RNF114: variants seen among roughly 807,000 people sequenced by gnomAD.
The protein encoded by RNF114 is E3 ubiquitin-protein ligase RNF114.
In RNF114, 6 loss-of-function variants were observed where a neutral mutation model predicts 28.4. The observed-to-expected ratio is 0.21, with a 90% CI of 0.12 to 0.42. The LOEUF (loss-of-function observed/expected upper bound fraction) is 0.42, where lower values mean the gene tolerates loss of function less well. Ranked by LOEUF, RNF114 falls within the 10% of genes least tolerant of loss-of-function variation. The pLI is 1.00. For missense variants in RNF114, 249 were observed against 311.7 expected (o/e 0.80, Z 1.51); for synonymous variants, 115 against 116.7 (o/e 0.99, Z 0.09).
chr20:49,939,196 T>C (rs1322791618), intron 1 of RNF114, among the ~76,000 whole-genome samples: 1 of 152,244 alleles, frequency 6.6e-6, no homozygotes, highest in East Asian at 1.9e-4. Context: ...TTCATATTTT[T>C]AATCACTATC....
At chr20:49,951,994 C>T in intron 5 of RNF114, 82 bp from the exon 6 acceptor site, 1 of 1,210,746 alleles carries the variant, frequency 8.3e-7, no homozygotes, top group South Asian at 1.2e-5. Flanking sequence ...GATCCAGTTG[C>T]TAGGCTGTCC....
intron 4 of RNF114, among the ~76,000 whole-genome samples, chr20:49,947,385 C>G (rs775948948): frequency 6.6e-6 from 1 of 152,064 alleles, no homozygotes; most frequent in Non-Finnish European, 1.5e-5. Flanking sequence ...GAACTACATA[C>G]TCTGTTGTAT....
intron 1 of RNF114, among the ~76,000 whole-genome samples, chr20:49,937,461 C>T (rs972777872): frequency 6.6e-6 from 1 of 152,148 alleles, no homozygotes; most frequent in African/African-American, 2.4e-5. Context: ...GGGCATTATT[C>T]TATAGCCACC....
chr20:49,936,706 C>T (rs115993886), intron 1 of RNF114, among the ~76,000 whole-genome samples, 154 bp downstream of exon 1: 2,838 of 152,136 alleles, frequency 0.019, 88 homozygotes, highest in African/African-American at 0.064. Flanking sequence ...GTGAAAGCTG[C>T]CGGGGCGCTC....
At chr20:49,949,114 A>C (rs758833178) in intron 4 of RNF114, 134 bp from the exon 5 acceptor site, 4 of 672,426 alleles carry the variant, frequency 5.9e-6, no homozygotes, top group Middle Eastern at 3.1e-4. Context: ...GCTGATGTGC[A>C]CAGGAAGGAG....
At chr20:49,937,692 TC>T (rs1182156154) in intron 1 of RNF114, among the ~76,000 whole-genome samples, 2 of 152,076 alleles carry the variant, frequency 1.3e-5, no homozygotes, top group Non-Finnish European at 2.9e-5. Flanking sequence ...CTGGAACTCT[TC>T]CCCCCACCCC....
chr20:49,937,396 TG>T (rs1241836214), intron 1 of RNF114, among the ~76,000 whole-genome samples: 1 of 152,188 alleles, frequency 6.6e-6, no homozygotes, highest in African/African-American at 2.4e-5. Flanking sequence ...GTGCTTATCG[TG>T]GGATCACCTT....
rs752875363 is a variant in RNF114, at chr20:49,952,158, C to G, written c.*17C>G. On this transcript the variant is annotated 3_prime_UTR_variant, in exon 6 of 6. Coordinates refer to ENST00000244061, the MANE Select transcript of RNF114 (RefSeq NM_018683.4). Reference sequence around the variant, plus strand: ...GACCAGTGAGCAGAGTCCGTGCTTGCTATCTGTCTCATGTTACAGAGCTTC... The same window carrying G: ...GACCAGTGAGCAGAGTCCGTGCTTGGTATCTGTCTCATGTTACAGAGCTTC... 6.2e-5 allele frequency: 99 copies of G among 1,607,376 alleles called. No individual in the cohort carries two copies. In the East Asian group the frequency reaches 2.2e-3, roughly 36 times the overall value.
In RNF114 at chr20:49,952,460, C is replaced by G. The variant is rs1430769520; in HGVS notation, c.*319C>G. The G allele has an allele frequency of 7.8e-6, 4 of 513,078 alleles. No individual in the cohort carries two copies. The East Asian group carries it at 1.2e-4, about 15-fold the overall frequency. The allele number at this position is 513,078 out of a possible 1,614,324, so 31.8% of individuals were successfully genotyped here. On this transcript the variant is annotated 3_prime_UTR_variant, in exon 6 of 6. Transcript: ENST00000244061. Reference sequence around the variant, plus strand: ...TAGCTTCTCCACCTCTTGTTTCACACTCATTCCTCCCATCCAGTGTTTGTC... The same window carrying G: ...TAGCTTCTCCACCTCTTGTTTCACAGTCATTCCTCCCATCCAGTGTTTGTC...
At chr20:49,949,752 C>G (rs1282110473) in intron 5 of RNF114, among the ~76,000 whole-genome samples, 1 of 152,122 alleles carries the variant, frequency 6.6e-6, no homozygotes, top group Non-Finnish European at 1.5e-5. Context: ...TCAAGTGATT[C>G]TCCTGCCTCA....
chr20:49,947,236 CA>C (rs138741719), intron 4 of RNF114, among the ~76,000 whole-genome samples: 7 of 96,350 alleles, frequency 7.3e-5, no homozygotes, highest in African/African-American at 1.1e-4. Context: ...CCCCCCCCCC[CA>C]AAAAAGTATT....
chr20:49,936,621 T>A, intron 1 of RNF114, 69 bp downstream of exon 1: 1 of 1,533,198 alleles, frequency 6.5e-7, no homozygotes. Context: ...AGGAGCGAGA[T>A]GGGTCTCAGG....
intron 4 of RNF114, among the ~76,000 whole-genome samples, chr20:49,947,769 G>GTTTTTTTTTGTTTTGTTTTTTTTTTTTTT (rs2090338798): frequency 5.9e-5 from 3 of 50,422 alleles, no homozygotes; most frequent in African/African-American, 2.5e-4. Context: ...CCCTCTGCAA[G>GTTTTTTTTTGTTTTGTTTTTTTTTTTTTT]TTTTTTTTTT....
intron 5 of RNF114, among the ~76,000 whole-genome samples, chr20:49,949,946 A>C (rs931505323): frequency 7.0e-6 from 1 of 142,694 alleles, no homozygotes; most frequent in African/African-American, 2.5e-5. Flanking sequence ...CCCGGCCCAG[A>C]GTGACATTTA....
In RNF114 at chr20:49,952,329, C is replaced by G; in HGVS notation, c.*188C>G. 1 of 593,182 alleles carries G rather than the reference C, an allele frequency of 1.7e-6. No homozygotes were observed. Among genetic ancestry groups the G allele is most frequent in the Non-Finnish European group, 3.1e-6 (1 of 325,312 alleles). The allele number at this position is 593,182 out of a possible 1,614,324, so 36.7% of individuals were successfully genotyped here. ...CCCTTCTCTTCCCTTTGGGCTCTTG[C>G]CAAAGCTGTCTTCCCCTACTGTTAA... On this transcript the variant is annotated 3_prime_UTR_variant, in exon 6 of 6. Transcript: ENST00000244061.
intron 3 of RNF114, 122 bp downstream of exon 3, chr20:49,945,610 G>A: frequency 1.6e-6 from 1 of 633,640 alleles, no homozygotes; most frequent in Non-Finnish European, 2.9e-6. Flanking sequence ...CAAGTATTTT[G>A]GGAGGAGTAT....
chr20:49,941,908 G>C (rs915315404), intron 2 of RNF114, 197 bp downstream of exon 2: 2 of 519,612 alleles, frequency 3.8e-6, no homozygotes, highest in African/African-American at 4.0e-5. Context: ...TTTAAGAGTT[G>C]GTTAAGTATA....
intron 4 of RNF114, 24 bp downstream of exon 4, chr20:49,946,274 TTA>T: frequency 3.2e-6 from 4 of 1,239,054 alleles, no homozygotes; most frequent in Non-Finnish European, 4.6e-6. Context: ...TTTTTTTTTT[TTA>T]AACTTCATTA....
In RNF114 at chr20:49,952,123, C is replaced by T. The variant is rs909082029; in HGVS notation, c.669C>T (p.Arg223=). ...ACATGATGAATCAGGTGTTGCAGCG[C>T]TCCATCATCGACCAGTGAGCAGAGT... ...EEDMMNQVLQ[R]SIIDQ is the part of the protein sequence containing the mutation. Residue 223 remains arginine (R), a synonymous_variant, in exon 6 of 6, where the codon CGC becomes CGT. Coordinates refer to ENST00000244061, the MANE Select transcript of RNF114 (RefSeq NM_018683.4). The T allele has an allele frequency of 6.2e-7, 1 of 1,613,728 alleles. No individual in the cohort carries two copies. Among genetic ancestry groups the T allele is most frequent in the Non-Finnish European group, 8.5e-7 (1 of 1,179,758 alleles).
Sources: gnomAD v4.1 joint callset for allele counts (sites outside exome capture counted in the v4.1 genomes callset) on GRCh38, gnomAD v4.1.1 for gene constraint, MANE v1.5 for transcripts, NCBI Gene and HGNC (gene_info 2026-07-23, HGNC 2026-07-21) for gene names.